CTNNB1: variants seen among roughly 807,000 people sequenced by gnomAD.
The protein encoded by CTNNB1 is catenin beta-1.
A neutral mutation model predicts 82.5 loss-of-function variants in CTNNB1; 6 were observed. The ratio of observed to expected loss-of-function variants is 0.07; its 90% CI spans 0.04 to 0.14. CTNNB1 has a LOEUF of 0.14. Among genes scored for constraint, CTNNB1 ranks in the 10% least tolerant of loss-of-function variants. The pLI, the probability that CTNNB1 is intolerant of heterozygous loss-of-function variation, is 1.00. For synonymous variants in CTNNB1, 312 were observed against 329.7 expected, an observed-to-expected ratio of 0.95 and a Z score of 0.58; for missense variants, 529 against 980.4, an observed-to-expected ratio of 0.54 and a Z score of 6.15.
rs1439123567 is a variant in CTNNB1, at chr3:41,224,404, CTG to C, written c.14-120_14-119del. The stretch of plus-strand genomic sequence containing the variant: ...CTGGCTATCATTCTGCTTTTCTTGG[CTG>C]TCTTTCAGATTTGACTTTATTTCTA... On this transcript the variant is annotated intron_variant, in intron 2 of 14. Coordinates refer to ENST00000349496, the MANE Select transcript of CTNNB1 (RefSeq NM_001904.4). The C allele has an allele frequency of 6.7e-5, 72 of 1,069,862 alleles. No individual in the cohort carries two copies. The African/African-American group carries it at 1.0e-3, about 15-fold the overall frequency. The allele number at this position is 1,069,862 out of a possible 1,614,324, so 66.3% of individuals were successfully genotyped here.
chr3:41,216,384 T>A (rs2077917157), intron 1 of CTNNB1, among the ~76,000 whole-genome samples: 2 of 152,358 alleles, frequency 1.3e-5, no homozygotes, highest in South Asian at 4.1e-4. Flanking sequence ...TGCAGTTGAT[T>A]CTTAGAATAC....
At position 41,239,503 on chromosome 3, in the gene CTNNB1, G is replaced by A; in HGVS notation, c.*161G>A. On this transcript the variant is annotated 3_prime_UTR_variant, in exon 15 of 15. Transcript: ENST00000349496. ...TATATACTTTGAAAGGAGATGTCTT[G>A]GAACATTGGAATGTTCTCAGATTTC... The A allele has an allele frequency of 7.6e-6, 5 of 656,730 alleles. No individual in the cohort carries two copies. The highest frequency in any genetic ancestry group is 7.1e-5 in the South Asian group (4 of 56,614). 40.7% of individuals were successfully genotyped at this position (656,730 alleles called of 1,614,324 possible). A position where few individuals can be genotyped will look rare whatever the true frequency, so the allele number is the denominator to read the frequency against.
chr3:41,211,653 A>G (rs1181615917), intron 1 of CTNNB1, among the ~76,000 whole-genome samples: 2 of 152,196 alleles, frequency 1.3e-5, no homozygotes, highest in African/African-American at 4.8e-5. Context: ...TAATTTGCTT[A>G]CAATAAATAG....
At chr3:41,206,584 T>A (rs2077653834) in intron 1 of CTNNB1, among the ~76,000 whole-genome samples, 1 of 152,146 alleles carries the variant, frequency 6.6e-6, no homozygotes, top group Non-Finnish European at 1.5e-5. Flanking sequence ...TAATTTTCCT[T>A]TACTGTGAAG....
In CTNNB1 at chr3:41,235,786, G is replaced by T. The variant is rs2125644832; in HGVS notation, c.1746G>T (p.Arg582=). ...GCTGALHILA[R]DVHNRIVIRG... ...CCGGAGCCCTTCACATCCTAGCTCG[G>T]GATGTTCACAACCGAATTGTTATCA... Residue 582 remains arginine (R), a synonymous_variant, in exon 11 of 15, where the codon CGG becomes CGT. Coordinates refer to ENST00000349496, the MANE Select transcript of CTNNB1 (RefSeq NM_001904.4). The T allele has an allele frequency of 6.2e-7, 1 of 1,614,042 alleles. No individual in the cohort carries two copies. The highest frequency in any genetic ancestry group is 2.2e-5 in the East Asian group (1 of 44,890).
chr3:41,231,300 C>G (rs1320732117), intron 7 of CTNNB1, among the ~76,000 whole-genome samples: 1 of 149,596 alleles, frequency 6.7e-6, no homozygotes, highest in Non-Finnish European at 1.5e-5. Context: ...GCACTTCAGC[C>G]TGGGCGACAG....
chr3:41,230,866 G>A (rs1445862611), intron 7 of CTNNB1, among the ~76,000 whole-genome samples: 1 of 152,148 alleles, frequency 6.6e-6, no homozygotes, highest in East Asian at 1.9e-4. Context: ...TAATTGTCTT[G>A]GGCTACACAC....
intron 11 of CTNNB1, 137 bp from the exon 12 acceptor site, chr3:41,236,212 A>G (rs369105665): frequency 1.6e-4 from 172 of 1,094,362 alleles, no homozygotes; most frequent in Non-Finnish European, 2.2e-4. Context: ...ACCCCAAGAC[A>G]TAAAATTCAG....
At chr3:41,208,535 T>C (rs533477429) in intron 1 of CTNNB1, among the ~76,000 whole-genome samples, 5 of 152,326 alleles carry the variant, frequency 3.3e-5, no homozygotes, top group African/African-American at 7.2e-5. Flanking sequence ...ATCAATCCCA[T>C]TGGGACCTAC....
At chr3:41,224,266 T>G in intron 2 of CTNNB1, 185 bp downstream of exon 2, 1 of 784,126 alleles carries the variant, frequency 1.3e-6, no homozygotes. Flanking sequence ...AGCAGGAATC[T>G]AGTCTGGATG....
chr3:41,207,056 T>C (rs954623499), intron 1 of CTNNB1, among the ~76,000 whole-genome samples: 1 of 152,228 alleles, frequency 6.6e-6, no homozygotes, highest in African/African-American at 2.4e-5. Context: ...CTTGTTACTT[T>C]GTATATCGTA....
chr3:41,216,788 T>C (rs1442472906), intron 1 of CTNNB1, among the ~76,000 whole-genome samples: 3 of 152,246 alleles, frequency 2.0e-5, no homozygotes, highest in Admixed American at 2.0e-4. Flanking sequence ...TGCAAAAATA[T>C]ATGTACAAAG....
Position 41,225,995 on chromosome 3 carries a change from T to C in CTNNB1, c.936+134T>C. On this transcript the variant is annotated intron_variant, in intron 6 of 14. Transcript: ENST00000349496. The surrounding 1 kb of genome is among the most constrained non-coding windows in gnomAD (Gnocchi z 5.3). The stretch of plus-strand genomic sequence containing the variant: ...GGAAAACAGTTTTTCCATGAATGGG[T>C]TGTGGGAATGGTTTCTGGATGACAC... 1.3e-6 allele frequency: 1 copy of C among 790,744 alleles called. No individual in the cohort carries two copies. The highest frequency in any genetic ancestry group is 1.5e-5 in the South Asian group (1 of 68,142). The allele number at this position is 790,744 out of a possible 1,614,324, so 49.0% of individuals were successfully genotyped here.
At chr3:41,211,763 C>T (rs1400239246) in intron 1 of CTNNB1, among the ~76,000 whole-genome samples, 2 of 152,110 alleles carry the variant, frequency 1.3e-5, no homozygotes, top group Non-Finnish European at 2.9e-5. Context: ...TTTCTTGATC[C>T]AGTCTACCGT....
Position 41,239,387 on chromosome 3 carries a change from A to ATACTT in CTNNB1, c.*47_*51dup, listed in dbSNP as rs1559479698. The ATACTT allele has an allele frequency of 1.3e-6, 2 of 1,539,922 alleles. No homozygotes were observed. Among genetic ancestry groups the ATACTT allele is most frequent in the East Asian group, 2.3e-5 (1 of 43,298 alleles). On this transcript the variant is annotated 3_prime_UTR_variant, in exon 15 of 15. Transcript: ENST00000349496. ...GTTTTAAAAAGCCAGTTTGGGTAAA[A>ATACTT]TACTTTTACTCTGCCTACAGAACTT... is the stretch of plus-strand genomic sequence containing the variant.
intron 9 of CTNNB1, 39 bp from the exon 10 acceptor site, chr3:41,234,100 T>G: frequency 3.1e-6 from 5 of 1,613,650 alleles, no homozygotes; most frequent in Non-Finnish European, 4.2e-6. Context: ...GAAAATGATT[T>G]TGTTGAGTTG....
At chr3:41,212,974 T>C (rs1312881272) in intron 1 of CTNNB1, among the ~76,000 whole-genome samples, 3 of 152,208 alleles carry the variant, frequency 2.0e-5, no homozygotes, top group Non-Finnish European at 4.4e-5. Flanking sequence ...TTCCCTTCTT[T>C]CCTGTTCTCT....
intron 7 of CTNNB1, among the ~76,000 whole-genome samples, chr3:41,228,099 A>G (rs2078221044): frequency 1.3e-5 from 2 of 151,976 alleles, no homozygotes; most frequent in Admixed American, 1.3e-4. Context: ...TATGTACCAC[A>G]TTTTCTTTAT....
rs983130290 is a variant in CTNNB1 at position 41,233,883 on chromosome 3, A to C, written c.1524+16A>C. ...TCTGATAAAGGTAAATTGTCAAAGT[A>C]GAATTTACCTTTGTTGCAGAATTGA... On this transcript the variant is annotated intron_variant, in intron 9 of 14. Coordinates refer to ENST00000349496, the MANE Select transcript of CTNNB1 (RefSeq NM_001904.4). 6.2e-7 allele frequency: 1 copy of C among 1,612,298 alleles called. No individual in the cohort carries two copies. Among genetic ancestry groups the C allele is most frequent in the Non-Finnish European group, 8.5e-7 (1 of 1,178,296 alleles).
Sources: gnomAD v4.1 joint callset for allele counts (sites outside exome capture counted in the v4.1 genomes callset) on GRCh38, gnomAD v4.1.1 for gene constraint, Gnocchi (gnomAD v3.1) non-coding constraint, MANE v1.5 for transcripts, NCBI Gene and HGNC (gene_info 2026-07-23, HGNC 2026-07-21) for gene names.